Variants in MED27 observed in about 807,000 individuals in gnomAD.
MED27 encodes mediator of RNA polymerase II transcription subunit 27.
In MED27, 30 loss-of-function variants were observed where a neutral mutation model predicts 38.2. The observed-to-expected ratio is 0.79, with a 90% confidence interval of 0.59 to 1.07. The LOEUF (loss-of-function observed/expected upper bound fraction) is 1.07. Among genes scored for constraint, MED27 ranks in the 50% least tolerant of loss-of-function variants. The pLI is 0.00. For synonymous variants in MED27, 122 were observed against 153.5 expected (o/e 0.79, Z 1.52); for missense variants, 289 against 397.5 (o/e 0.73, Z 2.32).
At chr9:131,922,466 A>ACTCTGTCACACTCTGTCACACTCT (rs1185620824) in intron 4 of MED27, among the ~76,000 whole-genome samples, 4 of 144,364 alleles carry the variant, frequency 2.8e-5, no homozygotes, top group African/African-American at 1.0e-4. Flanking sequence ...TTTGAGACAC[A>ACTCTGTCACACTCTGTCACACTCT]GTCACACTCT....
Position 131,889,065 on chromosome 9 carries a change from C to T in MED27, c.681+4820G>A, listed in dbSNP as rs1839185813. Among the ~76,000 whole-genome samples, 1 of 152,182 alleles carries T rather than the reference C, an allele frequency of 6.6e-6. No homozygotes were observed. On this transcript the variant is annotated intron_variant, in intron 5 of 7. Coordinates refer to ENST00000292035, the MANE Select transcript of MED27 (RefSeq NM_004269.4). This position sits in a 1 kb window ranked among gnomAD's most constrained non-coding sequence, Gnocchi z 4.2. Reference sequence around the variant, plus strand: ...AAGGTCATCTGAACAATTTCAAAGGCTATAACAAATCAAAATGTTCCCTGC... The same window carrying T: ...AAGGTCATCTGAACAATTTCAAAGGTTATAACAAATCAAAATGTTCCCTGC...
chr9:131,882,732 C>T (rs1408327589), intron 6 of MED27, among the ~76,000 whole-genome samples: 2 of 152,156 alleles, frequency 1.3e-5, no homozygotes, highest in Non-Finnish European at 2.9e-5. Flanking sequence ...GCCTCAGTTT[C>T]CCCTACAAAG....
chr9:131,942,277 A>T (rs1830802391), intron 3 of MED27, among the ~76,000 whole-genome samples: 1 of 152,212 alleles, frequency 6.6e-6, no homozygotes, highest in South Asian at 2.1e-4. Context: ...AGGGGTGAGA[A>T]GTGAAGAAAG....
intron 2 of MED27, among the ~76,000 whole-genome samples, chr9:132,065,107 T>C (rs1209492730): frequency 6.6e-6 from 1 of 152,186 alleles, no homozygotes; most frequent in Non-Finnish European, 1.5e-5. Context: ...AAACACAGTT[T>C]GGAAATGATT....
chr9:132,006,232 G>T (rs927164207), intron 3 of MED27, among the ~76,000 whole-genome samples: 50 of 152,174 alleles, frequency 3.3e-4, no homozygotes, highest in Admixed American at 3.2e-3. Context: ...AGCTCAGGGT[G>T]AGCCAGCCTG....
intron 2 of MED27, among the ~76,000 whole-genome samples, chr9:132,070,318 G>A (rs775716886): frequency 3.2e-4 from 48 of 152,226 alleles, no homozygotes; most frequent in African/African-American, 1.1e-3. Flanking sequence ...CACTTTGGGA[G>A]GCCAAGGCTG....
At chr9:132,026,184 G>A (rs1832813676) in intron 2 of MED27, among the ~76,000 whole-genome samples, 2 of 152,316 alleles carry the variant, frequency 1.3e-5, no homozygotes, top group South Asian at 4.1e-4. Flanking sequence ...TGTCCAAGAA[G>A]GAATATTCAC....
intron 3 of MED27, among the ~76,000 whole-genome samples, chr9:132,007,424 T>C (rs1437155439): frequency 6.6e-6 from 1 of 152,038 alleles, no homozygotes; most frequent in African/African-American, 2.4e-5. Context: ...CAAAAACATG[T>C]TGAGTAGAAG....
At chr9:131,951,266 T>G (rs905222768) in intron 3 of MED27, among the ~76,000 whole-genome samples, 1 of 152,232 alleles carries the variant, frequency 6.6e-6, no homozygotes, top group African/African-American at 2.4e-5. Flanking sequence ...CACGGTATCC[T>G]TGCCCTGTCC....
chr9:131,911,871 C>G (rs751443299), intron 4 of MED27, among the ~76,000 whole-genome samples: 2 of 152,128 alleles, frequency 1.3e-5, no homozygotes, highest in Non-Finnish European at 2.9e-5. Flanking sequence ...CTTTTCCTTC[C>G]CTGATCACTG....
intron 3 of MED27, among the ~76,000 whole-genome samples, chr9:131,972,730 T>C (rs1003260625): frequency 2.0e-5 from 3 of 152,168 alleles, no homozygotes; most frequent in African/African-American, 7.2e-5. Context: ...AGAACTGTTA[T>C]ACCAAAAAGG....
intron 4 of MED27, among the ~76,000 whole-genome samples, chr9:131,938,744 C>T (rs1393543415): frequency 2.7e-5 from 4 of 150,614 alleles, no homozygotes; most frequent in Non-Finnish European, 5.9e-5. Context: ...AGGAGTCTTG[C>T]TCTGTCACCC....
intron 3 of MED27, among the ~76,000 whole-genome samples, chr9:131,971,367 A>G (rs1003712767): frequency 4.6e-5 from 7 of 152,136 alleles, no homozygotes; most frequent in African/African-American, 1.4e-4. Context: ...ACAGGGGGAG[A>G]GAGAGGGAGG....
intron 2 of MED27, among the ~76,000 whole-genome samples, chr9:132,038,244 T>TGCA (rs540762449): frequency 0.013 from 1,796 of 136,638 alleles, 21 homozygotes; most frequent in Middle Eastern, 0.066. Context: ...CAGGCTGGAG[T>TGCA]GCAGTGGCGG....
chr9:132,040,497 T>C (rs925762400), intron 2 of MED27, among the ~76,000 whole-genome samples: 11 of 152,178 alleles, frequency 7.2e-5, no homozygotes, highest in African/African-American at 2.7e-4. Flanking sequence ...CCCGTACAAA[T>C]GTCACGAGAA....
Position 131,921,223 on chromosome 9 carries a change from A to G in MED27, c.573+18158T>C, listed in dbSNP as rs1251735476. On this transcript the variant is annotated intron_variant, in intron 4 of 7. Coordinates refer to ENST00000292035, the MANE Select transcript of MED27 (RefSeq NM_004269.4). ...ACACCCTTCATCTAGGTGTCCTGTT[A>G]GCACTACCCTGCACCTGCCGCAAAC... 2.6e-5 allele frequency among the ~76,000 whole-genome samples: 4 copies of G among 152,206 alleles called. No homozygotes were observed. In the East Asian group the frequency reaches 7.7e-4, roughly 29 times the overall value.
chr9:131,905,869 C>T (rs966103791), intron 4 of MED27, among the ~76,000 whole-genome samples: 1 of 152,096 alleles, frequency 6.6e-6, no homozygotes, highest in African/African-American at 2.4e-5. Flanking sequence ...CCCATCTACC[C>T]AGCAAATATC....
intron 4 of MED27, among the ~76,000 whole-genome samples, chr9:131,915,238 G>T (rs1193238779): frequency 1.3e-5 from 2 of 152,162 alleles, no homozygotes; most frequent in Admixed American, 6.5e-5. Flanking sequence ...CCAGTGAAGG[G>T]GGAGGTGACC....
At chr9:132,054,676 C>A (rs1833538246) in intron 2 of MED27, among the ~76,000 whole-genome samples, 1 of 152,172 alleles carries the variant, frequency 6.6e-6, no homozygotes, top group South Asian at 2.1e-4. Flanking sequence ...TCCCAAAGTG[C>A]TAAGATTACA....
Sources: allele counts gnomAD v4.1 joint callset (sites outside exome capture counted in the v4.1 genomes callset), GRCh38; gene constraint gnomAD v4.1.1; non-coding constraint Gnocchi (gnomAD v3.1); transcripts MANE v1.5; gene names NCBI Gene and HGNC (gene_info 2026-07-23, HGNC 2026-07-21).